Variants in PSMB7 observed in about 807,000 individuals in gnomAD.
PSMB7 encodes proteasome subunit beta type-7.
Under a neutral mutation model 28.1 loss-of-function variants are expected in PSMB7, and 5 were observed. The ratio of observed to expected loss-of-function variants is 0.18; its 90% CI spans 0.09 to 0.37. The LOEUF (loss-of-function observed/expected upper bound fraction) is 0.37. Ranked by LOEUF, PSMB7 falls within the 10% of genes least tolerant of loss-of-function variation. The pLI is 1.00. For synonymous variants in PSMB7, 122 were observed against 123.7 expected, an observed-to-expected ratio of 0.99 and a Z score of 0.09; for missense variants, 275 against 346.2, an observed-to-expected ratio of 0.79 and a Z score of 1.63.
intron 5 of PSMB7, among the ~76,000 whole-genome samples, chr9:124,397,405 CAG>C (rs1294619077): frequency 1.3e-5 from 2 of 152,222 alleles, no homozygotes; most frequent in Non-Finnish European, 2.9e-5. Flanking sequence ...GGCCAGTCCT[CAG>C]AGAGTCCTGC....
intron 5 of PSMB7, among the ~76,000 whole-genome samples, chr9:124,400,736 G>C (rs1251067401): frequency 7.6e-6 from 1 of 131,296 alleles, no homozygotes; most frequent in Non-Finnish European, 1.6e-5. Context: ...TGACTCAACT[G>C]CTTGCAACAG....
intron 6 of PSMB7, among the ~76,000 whole-genome samples, chr9:124,378,246 C>T (rs1830633382): frequency 6.6e-6 from 1 of 152,188 alleles, no homozygotes; most frequent in Admixed American, 6.5e-5. Context: ...CATGGGACGC[C>T]AGAGCATGCC....
At chr9:124,384,562 C>A (rs751504203) in intron 6 of PSMB7, 36 bp downstream of exon 6, 38 of 1,578,192 alleles carry the variant, frequency 2.4e-5, no homozygotes, top group Non-Finnish European at 3.1e-5. Context: ...CCAGAAAAAT[C>A]TTTGAAAAAG....
chr9:124,391,990 G>C (rs1035455132), intron 5 of PSMB7, among the ~76,000 whole-genome samples: 2 of 152,248 alleles, frequency 1.3e-5, no homozygotes, highest in African/African-American at 2.4e-5. Context: ...CTGAAAGGTA[G>C]AAATTTGCTT....
intron 6 of PSMB7, among the ~76,000 whole-genome samples, chr9:124,358,650 ATACC>A (rs1003260849): frequency 6.6e-6 from 1 of 152,204 alleles, no homozygotes; most frequent in Non-Finnish European, 1.5e-5. Flanking sequence ...ACACAACCTC[ATACC>A]TAACCGCTTC....
chr9:124,411,060 C>T (rs1212133575), intron 4 of PSMB7, among the ~76,000 whole-genome samples: 1 of 152,090 alleles, frequency 6.6e-6, no homozygotes, highest in Non-Finnish European at 1.5e-5. Flanking sequence ...ACGGCAACCT[C>T]CACCTTCCAG....
chr9:124,377,752 C>A (rs781049496), intron 6 of PSMB7, among the ~76,000 whole-genome samples: 1 of 152,220 alleles, frequency 6.6e-6, no homozygotes, highest in Non-Finnish European at 1.5e-5. Context: ...ATAAATCAGA[C>A]GGCTGAAGTG....
In PSMB7 at chr9:124,386,947, C is replaced by A. The variant is rs150419034; in HGVS notation, c.512-2291G>T. Among the ~76,000 whole-genome samples the A allele has an allele frequency of 3.3e-3, 500 of 152,082 alleles. 3 individuals carry two copies. Among genetic ancestry groups the A allele is most frequent in the African/African-American group, 0.011 (447 of 41,496 alleles). ...TATTTCCCTCCCCAAATAATTATTT[C>A]TTTAAAACCTTTTTCCTGGCCGGGC... On this transcript the variant is annotated intron_variant, in intron 5 of 7. Transcript: ENST00000259457.
chr9:124,386,144 CT>C (rs1371433741), intron 5 of PSMB7, among the ~76,000 whole-genome samples: 3 of 144,966 alleles, frequency 2.1e-5, no homozygotes, highest in Non-Finnish European at 4.5e-5. Flanking sequence ...TTTTTTTCTC[CT>C]TAAAAAAAAA....
intron 6 of PSMB7, among the ~76,000 whole-genome samples, chr9:124,374,970 A>G (rs557289096): frequency 6.6e-6 from 1 of 152,034 alleles, no homozygotes; most frequent in East Asian, 1.9e-4. Flanking sequence ...GCGAAACACC[A>G]TCTCTACTAA....
intron 6 of PSMB7, among the ~76,000 whole-genome samples, chr9:124,363,639 G>A (rs867233158): frequency 3.3e-5 from 5 of 152,194 alleles, no homozygotes; most frequent in Admixed American, 6.5e-5. Flanking sequence ...GCTTAGAGCC[G>A]GGAGTGAGCC....
intron 5 of PSMB7, among the ~76,000 whole-genome samples, chr9:124,385,390 G>A (rs1010480772): frequency 3.3e-5 from 5 of 152,190 alleles, no homozygotes; most frequent in Non-Finnish European, 5.9e-5. Flanking sequence ...AAAGTAGGAC[G>A]TAAAGCCATT....
intron 5 of PSMB7, among the ~76,000 whole-genome samples, chr9:124,397,271 G>C (rs1830852640): frequency 6.6e-6 from 1 of 152,192 alleles, no homozygotes; most frequent in Non-Finnish European, 1.5e-5. Flanking sequence ...TGCTACAGCT[G>C]GATGAACGCT....
intron 5 of PSMB7, among the ~76,000 whole-genome samples, chr9:124,404,304 T>G (rs1830941621): frequency 6.6e-6 from 1 of 152,204 alleles, no homozygotes; most frequent in Non-Finnish European, 1.5e-5. Flanking sequence ...TGCAAATTCA[T>G]ATGCAGATGT....
chr9:124,409,558 A>T (rs749619266), intron 4 of PSMB7, among the ~76,000 whole-genome samples: 1 of 152,202 alleles, frequency 6.6e-6, no homozygotes. Context: ...TCACTGACTC[A>T]CATACAAGGA....
chr9:124,385,990 C>T (rs913281398), intron 5 of PSMB7, among the ~76,000 whole-genome samples: 3 of 152,096 alleles, frequency 2.0e-5, no homozygotes, highest in Non-Finnish European at 4.4e-5. Flanking sequence ...AATATTGCTG[C>T]GGTTGAGGAT....
chr9:124,396,543 T>C (rs988202805), intron 5 of PSMB7, among the ~76,000 whole-genome samples: 7 of 152,210 alleles, frequency 4.6e-5, no homozygotes, highest in African/African-American at 1.7e-4. Context: ...GGAAACTGTA[T>C]AACCAGTTTA....
rs1411355409 is a variant in PSMB7 at position 124,361,658 on chromosome 9, T to A, written c.571-4743A>T. Among the ~76,000 whole-genome samples the A allele has an allele frequency of 3.3e-5, 5 of 152,378 alleles. No individual in the cohort carries two copies. The East Asian group carries it at 9.6e-4, about 29-fold the overall frequency. On this transcript the variant is annotated intron_variant, in intron 6 of 7. Transcript: ENST00000259457. ...TGTTGTAATGCTATTAAACTTTATATTGGCCCACTGCTAGCTATAAAGTCT... is the reference window on the plus strand; with the variant it reads ...TGTTGTAATGCTATTAAACTTTATAATGGCCCACTGCTAGCTATAAAGTCT...
At chr9:124,390,384 C>T (rs909930113) in intron 5 of PSMB7, among the ~76,000 whole-genome samples, 1 of 151,408 alleles carries the variant, frequency 6.6e-6, no homozygotes, top group African/African-American at 2.4e-5. Flanking sequence ...ACCCAAGTCA[C>T]GTATCTTAAA....
Sources: gnomAD v4.1 joint callset for allele counts (sites outside exome capture counted in the v4.1 genomes callset) on GRCh38, gnomAD v4.1.1 for gene constraint, MANE v1.5 for transcripts, NCBI Gene and HGNC (gene_info 2026-07-23, HGNC 2026-07-21) for gene names.